The following KIAA0825 variants were observed in gnomAD, a reference collection of about 807,000 sequenced individuals.
KIAA0825 encodes uncharacterized protein KIAA0825.
Under a neutral mutation model 147.6 loss-of-function variants are expected in KIAA0825, and 119 were observed. The observed-to-expected ratio is 0.81, with a 90% CI of 0.69 to 0.94. The LOEUF (loss-of-function observed/expected upper bound fraction) is 0.94, where lower values mean the gene tolerates loss of function less well. Ranked by LOEUF, KIAA0825 falls within the 40% of genes least tolerant of loss-of-function variation. The pLI is 0.00. For synonymous variants in KIAA0825, 470 were observed against 518.1 expected, an observed-to-expected ratio of 0.91 and a Z score of 1.26; for missense variants, 1,381 against 1,472.7, an observed-to-expected ratio of 0.94 and a Z score of 1.02.
intron 2 of KIAA0825, among the ~76,000 whole-genome samples, chr5:94,550,470 G>A (rs1775302734): frequency 6.6e-6 from 1 of 152,150 alleles, no homozygotes; most frequent in Non-Finnish European, 1.5e-5. Flanking sequence ...CATTAAATTG[G>A]AAGAGGCAAC....
rs568638453 is a variant in KIAA0825 at position 94,580,596 on chromosome 5, G to T, written c.-2+1837C>A. Among the ~76,000 whole-genome samples the T allele has an allele frequency of 5.7e-5, 2 of 35,286 alleles. 1 individual carries two copies. Among genetic ancestry groups the T allele is most frequent in the Non-Finnish European group, 1.1e-4 (2 of 17,936 alleles). The allele number at this position is 35,286 out of a possible 152,430, so 23.1% of individuals were successfully genotyped here. ...GGTTTTTTAAAAAATGCATAACACG[G>T]CCGGGCGCGGTGGCTCACGCCTGTA... On this transcript the variant is annotated intron_variant, in intron 2 of 20. Transcript: ENST00000682413.
At chr5:94,356,187 C>T (rs1784229237) in intron 20 of KIAA0825, among the ~76,000 whole-genome samples, 1 of 152,220 alleles carries the variant, frequency 6.6e-6, no homozygotes, top group Middle Eastern at 3.4e-3. Flanking sequence ...ATAAGATGAA[C>T]CTTCACTTAG....
intron 20 of KIAA0825, among the ~76,000 whole-genome samples, chr5:94,219,070 A>G (rs540756716): frequency 9.2e-5 from 14 of 152,264 alleles, no homozygotes; most frequent in African/African-American, 3.1e-4. Context: ...TGTAGAAGAC[A>G]ATTTTTCCAC....
chr5:94,592,307 T>C (rs190658664), intron 1 of KIAA0825, among the ~76,000 whole-genome samples: 262 of 152,160 alleles, frequency 1.7e-3, no homozygotes, highest in South Asian at 2.3e-3. Flanking sequence ...TGGGAGAAAT[T>C]GGCCAAAACA....
At chr5:94,451,086 C>A (rs1235217276) in intron 13 of KIAA0825, among the ~76,000 whole-genome samples, 2 of 152,178 alleles carry the variant, frequency 1.3e-5, no homozygotes, top group Non-Finnish European at 2.9e-5. Flanking sequence ...GTATGTAAAG[C>A]ACTTAGCATT....
chr5:94,494,314 C>CTTT (rs530332272), intron 5 of KIAA0825, among the ~76,000 whole-genome samples: 89 of 111,858 alleles, frequency 8.0e-4, no homozygotes, highest in African/African-American at 1.2e-3. Context: ...ATATTCAATC[C>CTTT]TTTTTTTTTT....
chr5:94,530,733 T>C (rs1452343687), intron 3 of KIAA0825, among the ~76,000 whole-genome samples: 2 of 152,144 alleles, frequency 1.3e-5, no homozygotes, highest in Non-Finnish European at 2.9e-5. Flanking sequence ...TCATATCTGT[T>C]ACCATGGCTC....
Position 94,240,450 on chromosome 5 carries a change from G to T in KIAA0825, c.3711-86326C>A, listed in dbSNP as rs577241287. On this transcript the variant is annotated intron_variant, in intron 20 of 20. Transcript: ENST00000682413. Reference sequence around the variant, plus strand: ...ATGTACACTGTTTGGTTTTCTGATAGACTGGCAGCATAAATGTCTGGGCTG... The same window carrying T: ...ATGTACACTGTTTGGTTTTCTGATATACTGGCAGCATAAATGTCTGGGCTG... 2.0e-5 allele frequency among the ~76,000 whole-genome samples: 3 copies of T among 152,316 alleles called. No individual in the cohort carries two copies. The East Asian group carries it at 5.8e-4, about 29-fold the overall frequency.
intron 20 of KIAA0825, among the ~76,000 whole-genome samples, chr5:94,369,561 C>A (rs554598821): frequency 6.6e-6 from 1 of 152,034 alleles, no homozygotes; most frequent in Non-Finnish European, 1.5e-5. Flanking sequence ...GGCTAAGAAG[C>A]CTTTAGCAAT....
intron 1 of KIAA0825, among the ~76,000 whole-genome samples, chr5:94,612,666 TATTTA>T (rs1164476300): frequency 1.3e-5 from 2 of 152,202 alleles, no homozygotes; most frequent in Non-Finnish European, 2.9e-5. Flanking sequence ...TGCATTATTT[TATTTA>T]ATCTTCACAA....
intron 20 of KIAA0825, among the ~76,000 whole-genome samples, chr5:94,169,314 G>T (rs865979724): frequency 5.9e-5 from 9 of 152,160 alleles, no homozygotes; most frequent in Admixed American, 4.6e-4. Context: ...GGGTGCAATG[G>T]TTCATGCCTG....
intron 20 of KIAA0825, among the ~76,000 whole-genome samples, chr5:94,221,357 C>A (rs1334780022): frequency 6.6e-6 from 1 of 152,162 alleles, no homozygotes; most frequent in Non-Finnish European, 1.5e-5. Context: ...CTACAGTGGC[C>A]TTGCAGATGG....
chr5:94,552,173 G>C (rs1775672221), intron 2 of KIAA0825, among the ~76,000 whole-genome samples: 2 of 152,062 alleles, frequency 1.3e-5, no homozygotes, highest in Admixed American at 1.3e-4. Flanking sequence ...AAGAGAAAAG[G>C]AATGACATTA....
chr5:94,278,762 C>A (rs1017266461), intron 20 of KIAA0825, among the ~76,000 whole-genome samples: 9 of 151,960 alleles, frequency 5.9e-5, no homozygotes, highest in African/African-American at 2.2e-4. Context: ...TGAAATGTAC[C>A]TTTTTCAGAT....
At chr5:94,230,094 G>A (rs902766194) in intron 20 of KIAA0825, among the ~76,000 whole-genome samples, 2 of 152,230 alleles carry the variant, frequency 1.3e-5, no homozygotes, top group South Asian at 4.2e-4. Context: ...TGTCAATTGA[G>A]GGGTTTCACT....
At chr5:94,586,271 A>G (rs1783268201) in intron 1 of KIAA0825, among the ~76,000 whole-genome samples, 1 of 152,220 alleles carries the variant, frequency 6.6e-6, no homozygotes, top group Admixed American at 6.5e-5. Context: ...CTAAAAGATC[A>G]ACAAAATAGG....
At chr5:94,230,572 C>A (rs1223746630) in intron 20 of KIAA0825, among the ~76,000 whole-genome samples, 1 of 152,154 alleles carries the variant, frequency 6.6e-6, no homozygotes, top group Non-Finnish European at 1.5e-5. Context: ...CTCTGCCATT[C>A]ATTTTGTCTT....
intron 2 of KIAA0825, among the ~76,000 whole-genome samples, chr5:94,564,587 G>T (rs1778265102): frequency 4.3e-5 from 6 of 138,638 alleles, no homozygotes; most frequent in Admixed American, 2.2e-4. Flanking sequence ...TGTGTGTGAT[G>T]GAGATGAGGT....
chr5:94,468,766 G>C (rs962862594), intron 10 of KIAA0825, among the ~76,000 whole-genome samples: 1 of 152,132 alleles, frequency 6.6e-6, no homozygotes, highest in Non-Finnish European at 1.5e-5. Flanking sequence ...GAGGTGACAG[G>C]AGCGATTCTG....
Sources: gnomAD v4.1 joint callset for allele counts (sites outside exome capture counted in the v4.1 genomes callset) on GRCh38, gnomAD v4.1.1 for gene constraint, MANE v1.5 for transcripts, NCBI Gene and HGNC (gene_info 2026-07-23, HGNC 2026-07-21) for gene names.